Variants in CDH19 observed in about 807,000 individuals in gnomAD.
CDH19 encodes cadherin 19.
In CDH19, 67 loss-of-function variants were observed where a neutral mutation model predicts 64.2. That is an observed-to-expected ratio of 1.04 (90% CI 0.86 to 1.28). The LOEUF is 1.28. CDH19 is among the 50% of genes most tolerant of loss of function. The probability of loss-of-function intolerance (pLI) is 0.00; values close to 1 mark genes in which losing one functional copy is unlikely to be tolerated. For synonymous variants in CDH19, 346 were observed against 319.3 expected, an observed-to-expected ratio of 1.08 and a Z score of -0.89; for missense variants, 1,030 against 929.0, an observed-to-expected ratio of 1.11 and a Z score of -1.41.
At chr18:66,558,480 T>A (rs1987603361) in intron 3 of CDH19, among the ~76,000 whole-genome samples, 1 of 151,962 alleles carries the variant, frequency 6.6e-6, no homozygotes, top group Non-Finnish European at 1.5e-5. Context: ...GCCTGTATGT[T>A]TTCCTAATGA....
At position 66,595,753 on chromosome 18, in the gene CDH19, A is replaced by T. The variant is rs1246436044; in HGVS notation, c.-113+8201T>A. On this transcript the variant is annotated intron_variant, in intron 1 of 11. Transcript: ENST00000262150. ...CCAGATACTATAAAGAAGACGGGGT[A>T]TCAATTTTACTGAAACTATTTCAAA... is the stretch of plus-strand genomic sequence containing the variant. Among the ~76,000 whole-genome samples the T allele has an allele frequency of 3.3e-5, 5 of 152,268 alleles. No homozygotes were observed. The East Asian group carries it at 9.7e-4, about 29-fold the overall frequency.
Position 66,525,352 on chromosome 18 carries a change from A to AT in CDH19, c.1458+4492dup, listed in dbSNP as rs199943190. Among the ~76,000 whole-genome samples, 53 of 151,132 alleles carry AT rather than the reference A, an allele frequency of 3.5e-4. 1 individual carries two copies. The highest frequency in any genetic ancestry group is 3.4e-3 in the Middle Eastern group (1 of 292). On this transcript the variant is annotated intron_variant, in intron 9 of 11. Coordinates refer to ENST00000262150, the MANE Select transcript of CDH19 (RefSeq NM_021153.4). ...GCTATGCCTTATTACCTTTGAAAGC[A>AT]TTTTTTTTTAGAGATTGCTTCATTG...
At chr18:66,577,856 C>T (rs1226265579) in intron 1 of CDH19, among the ~76,000 whole-genome samples, 3 of 151,880 alleles carry the variant, frequency 2.0e-5, no homozygotes, top group Non-Finnish European at 4.4e-5. Context: ...AGAGGAGAGT[C>T]TATTTCCTTA....
chr18:66,547,830 G>A (rs1205376956), intron 5 of CDH19, among the ~76,000 whole-genome samples: 1 of 145,402 alleles, frequency 6.9e-6, no homozygotes, highest in Non-Finnish European at 1.5e-5. Context: ...ACTACGCCCG[G>A]CTAATTTTTT....
intron 1 of CDH19, among the ~76,000 whole-genome samples, chr18:66,577,731 G>A (rs1320006109): frequency 2.6e-5 from 4 of 151,864 alleles, no homozygotes; most frequent in Non-Finnish European, 5.9e-5. Flanking sequence ...ACAACTCAGT[G>A]TCTTAAAATG....
chr18:66,538,636 C>T (rs1447132126), intron 7 of CDH19, among the ~76,000 whole-genome samples: 1 of 152,020 alleles, frequency 6.6e-6, no homozygotes, highest in African/African-American at 2.4e-5. Flanking sequence ...CTTTCTAGGC[C>T]TGCTGCAACA....
rs550999657 is a variant in CDH19 at position 66,568,517 on chromosome 18, G to A, written c.389C>T (p.Pro130Leu). 2.9e-5 allele frequency: 47 copies of A among 1,612,284 alleles called. 1 individual carries two copies. The South Asian group carries it at 4.6e-4, about 16-fold the overall frequency. ...IDIATGRAVE[P>L]ESEFVIKVSD... ...AACTTTGATGACAAACTCAGACTCA[G>A]GTTCCACAGCCCTTCCAGTAGCGAT... Residue 130 changes from proline (P) to leucine (L), a missense_variant, in exon 3 of 12, where the codon CCT (proline) becomes CTT (leucine). Physicochemically the swap from Pro to Leu is moderately conservative, Grantham distance 98. Transcript: ENST00000262150.
chr18:66,565,713 T>G (rs1275285440), intron 3 of CDH19, among the ~76,000 whole-genome samples: 2 of 151,996 alleles, frequency 1.3e-5, no homozygotes, highest in East Asian at 3.9e-4. Context: ...AATGCAGGAA[T>G]GCTTCAGAAG....
At chr18:66,559,137 T>G (rs575016159) in intron 3 of CDH19, among the ~76,000 whole-genome samples, 2 of 152,198 alleles carry the variant, frequency 1.3e-5, no homozygotes, top group African/African-American at 4.8e-5. Flanking sequence ...TAAGGACCAT[T>G]GTTTACACAG....
rs929003816 is a variant in CDH19 at position 66,501,913 on chromosome 18, C to T, written c.*2899G>A. ...TGCACTGAGGGAACAACTAGCAGTT[C>T]GCTAGTCCTAATTTTCTTATTTTTA... is the stretch of plus-strand genomic sequence containing the variant. On this transcript the variant is annotated 3_prime_UTR_variant, in exon 12 of 12. Coordinates refer to ENST00000262150, the MANE Select transcript of CDH19 (RefSeq NM_021153.4). The T allele has an allele frequency of 2.6e-5, 4 of 151,988 alleles. No individual in the cohort carries two copies. The highest frequency in any genetic ancestry group is 5.9e-5 in the Non-Finnish European group (4 of 67,990). 9.4% of individuals were successfully genotyped at this position (151,988 alleles called of 1,614,324 possible). A position where few individuals can be genotyped will look rare whatever the true frequency, so the allele number is the denominator to read the frequency against.
At chr18:66,516,552 A>AAT in intron 9 of CDH19, among the ~76,000 whole-genome samples, 1 of 152,112 alleles carries the variant, frequency 6.6e-6, no homozygotes, top group East Asian at 1.9e-4. Context: ...TCACCAAAGT[A>AAT]ATGTTTTTTC....
At chr18:66,588,213 G>A (rs778357297) in intron 1 of CDH19, among the ~76,000 whole-genome samples, 51 of 152,064 alleles carry the variant, frequency 3.4e-4, no homozygotes, top group Non-Finnish European at 7.4e-5. Flanking sequence ...ACCATGTGAG[G>A]GTGATCCTGC....
rs72954414 is a variant in CDH19 at position 66,531,210 on chromosome 18, C to T, written c.1337-1244G>A. On this transcript the variant is annotated intron_variant, in intron 8 of 11. Transcript: ENST00000262150. ...GTAAATGATCCGATTAAATACATTC[C>T]AGAGTTATTTGCATTACATCCAAAT... is the stretch of plus-strand genomic sequence containing the variant. Among the ~76,000 whole-genome samples, 761 of 152,142 alleles carry T rather than the reference C, an allele frequency of 5.0e-3. 14 individuals are homozygous for T. The highest frequency in any genetic ancestry group is 5.8e-3 in the Non-Finnish European group (395 of 68,000).
intron 5 of CDH19, among the ~76,000 whole-genome samples, chr18:66,545,819 G>A (rs188349461): frequency 7.9e-5 from 12 of 152,210 alleles, no homozygotes; most frequent in Admixed American, 7.2e-4. Flanking sequence ...AATATAGATC[G>A]AAAGGAGTTG....
intron 7 of CDH19, among the ~76,000 whole-genome samples, chr18:66,537,627 T>C (rs1424743350): frequency 1.3e-5 from 2 of 152,094 alleles, no homozygotes; most frequent in Non-Finnish European, 2.9e-5. Context: ...CATAGAGGAA[T>C]AATGTTAACA....
intron 9 of CDH19, among the ~76,000 whole-genome samples, chr18:66,513,770 C>T (rs1350305476): frequency 6.6e-6 from 1 of 151,256 alleles, no homozygotes; most frequent in Admixed American, 6.6e-5. Context: ...AAAGTATATA[C>T]CAAGAACAGC....
In CDH19 at chr18:66,551,151, T is replaced by C; in HGVS notation, c.718A>G (p.Thr240Ala). Reference sequence around the variant, plus strand: ...TCTGAAAGTTTAATTAATACACTTGTTGTTCCAGACAACGCTCCTGGCTGA... The same window carrying C: ...TCTGAAAGTTTAATTAATACACTTGCTGTTCCAGACAACGCTCCTGGCTGA... ...IGQPGALSGT[T>A]SVLIKLSDVN... Residue 240 changes from threonine (T) to alanine (A), a missense_variant, in exon 5 of 12, where the codon ACA (threonine) becomes GCA (alanine). Thr to Ala is a moderately conservative substitution (Grantham distance 58). Transcript: ENST00000262150. 1.2e-6 allele frequency: 2 copies of C among 1,608,886 alleles called. No homozygotes were observed. The highest frequency in any genetic ancestry group is 2.2e-5 in the East Asian group (1 of 44,740).
intron 9 of CDH19, among the ~76,000 whole-genome samples, chr18:66,513,442 A>G (rs962967669): frequency 6.6e-6 from 1 of 151,488 alleles, no homozygotes; most frequent in Non-Finnish European, 1.5e-5. Context: ...TAATTACTTT[A>G]TAAAAATAGG....
chr18:66,551,374 TGACA>T lies in CDH19; in HGVS notation c.611-120_611-117del, dbSNP rs1203747691. ...TGCTATATGTTGAACCACTGCAATG[TGACA>T]GAGACTTCACTAGAGAAAAATAATA... On this transcript the variant is annotated intron_variant, in intron 4 of 11. Transcript: ENST00000262150. 1.7e-5 allele frequency: 11 copies of T among 643,734 alleles called. No individual in the cohort carries two copies. In the African/African-American group the frequency reaches 1.9e-4, roughly 11 times the overall value. The allele number at this position is 643,734 out of a possible 1,614,324, so 39.9% of individuals were successfully genotyped here.
Sources: allele counts gnomAD v4.1 joint callset (sites outside exome capture counted in the v4.1 genomes callset), GRCh38; gene constraint gnomAD v4.1.1; transcripts MANE v1.5; gene names NCBI Gene and HGNC (gene_info 2026-07-23, HGNC 2026-07-21).